The following STK32B variants were observed in gnomAD, a reference collection of about 807,000 sequenced individuals.
STK32B encodes the protein serine/threonine-protein kinase 32B.
A neutral mutation model predicts 52.6 loss-of-function variants in STK32B; 43 were observed. The ratio of observed to expected loss-of-function variants is 0.82; its 90% CI spans 0.64 to 1.05. The LOEUF (loss-of-function observed/expected upper bound fraction) is 1.05, where lower values mean the gene tolerates loss of function less well. Among genes scored for constraint, STK32B ranks in the 50% least tolerant of loss-of-function variants. The probability of loss-of-function intolerance (pLI) is 0.00; values close to 1 mark genes in which losing one functional copy is unlikely to be tolerated. For synonymous variants in STK32B, 238 were observed against 204.3 expected (o/e 1.17, Z -1.41); for missense variants, 621 against 534.6 (o/e 1.16, Z -1.59).
intron 4 of STK32B, among the ~76,000 whole-genome samples, chr4:5,370,386 T>G (rs1735151163): frequency 6.6e-6 from 1 of 152,080 alleles, no homozygotes; most frequent in Non-Finnish European, 1.5e-5. Flanking sequence ...TGGAGAGAGG[T>G]AAATCCTAAA....
At chr4:5,319,693 C>T (rs1390851535) in intron 3 of STK32B, among the ~76,000 whole-genome samples, 1 of 152,156 alleles carries the variant, frequency 6.6e-6, no homozygotes, top group African/African-American at 2.4e-5. Flanking sequence ...AACCAGGGCT[C>T]AGCTTCAAGG....
At chr4:5,159,676 T>TATATATGA (rs1718246540) in intron 2 of STK32B, among the ~76,000 whole-genome samples, 1 of 58,584 alleles carries the variant, frequency 1.7e-5, no homozygotes, top group African/African-American at 9.1e-5. Context: ...TGTATATGAA[T>TATATATGA]ATATATATGA....
chr4:5,110,476 T>G (rs768931707), intron 1 of STK32B, among the ~76,000 whole-genome samples: 1 of 152,058 alleles, frequency 6.6e-6, no homozygotes, highest in African/African-American at 2.4e-5. Flanking sequence ...CAACTTGTCT[T>G]GGGCAAAGTT....
intron 3 of STK32B, among the ~76,000 whole-genome samples, chr4:5,182,624 G>T (rs773494134): frequency 6.6e-6 from 1 of 151,948 alleles, no homozygotes; most frequent in Non-Finnish European, 1.5e-5. Flanking sequence ...ACCATGCCTG[G>T]CTATTTGTAT....
At chr4:5,122,618 C>A (rs186898528) in intron 1 of STK32B, among the ~76,000 whole-genome samples, 18 of 152,212 alleles carry the variant, frequency 1.2e-4, no homozygotes, top group Non-Finnish European at 2.4e-4. Flanking sequence ...CTTATTCATT[C>A]CCTGACTCAT....
At chr4:5,131,453 C>T (rs1410791761) in intron 1 of STK32B, among the ~76,000 whole-genome samples, 2 of 152,282 alleles carry the variant, frequency 1.3e-5, no homozygotes, top group East Asian at 1.9e-4. Context: ...CCATATTTTT[C>T]GTTCTCCTCC....
intron 1 of STK32B, among the ~76,000 whole-genome samples, chr4:5,117,313 C>T (rs780569755): frequency 6.6e-6 from 1 of 152,098 alleles, no homozygotes; most frequent in Non-Finnish European, 1.5e-5. Flanking sequence ...AGAAGTATTC[C>T]TGCTATACCT....
the STK32B span, among the ~76,000 whole-genome samples, chr4:5,025,602 C>A: frequency 6.6e-6 from 1 of 152,192 alleles, no homozygotes; most frequent in African/African-American, 2.4e-5. Flanking sequence ...CTCTAGGGGT[C>A]CACAGTGAGA....
intron 2 of STK32B, among the ~76,000 whole-genome samples, chr4:5,144,784 T>TCATC (rs112099943): frequency 0.013 from 1,197 of 95,680 alleles, 7 homozygotes; most frequent in Non-Finnish European, 0.018. Context: ...ACTCATTCAC[T>TCATC]CATCCATCCA....
chr4:5,239,526 G>A lies in STK32B; in HGVS notation c.260+71076G>A, dbSNP rs112815161. Among the ~76,000 whole-genome samples the A allele has an allele frequency of 1.2e-3, 182 of 152,212 alleles. 1 individual carries two copies. The highest frequency in any genetic ancestry group is 2.2e-3 in the Non-Finnish European group (152 of 68,024). On this transcript the variant is annotated intron_variant, in intron 3 of 11. Coordinates refer to ENST00000282908, the MANE Select transcript of STK32B (RefSeq NM_018401.3). ...GGTAATGGGCTCTGGCTCTCCCTAA[G>A]CATGCGGGAGATGCTGGGTCTGGAG...
chr4:5,213,015 A>C (rs1218845709), intron 3 of STK32B, among the ~76,000 whole-genome samples: 1 of 152,208 alleles, frequency 6.6e-6, no homozygotes, highest in African/African-American at 2.4e-5. Flanking sequence ...CCTGATCAGC[A>C]TGAATTCACT....
chr4:5,494,384 AT>A (rs1214822433), intron 11 of STK32B, among the ~76,000 whole-genome samples: 1 of 151,026 alleles, frequency 6.6e-6, no homozygotes, highest in African/African-American at 2.5e-5. Flanking sequence ...TTTATCAGAG[AT>A]TGGGATTGCA....
rs1017052432 is a variant in STK32B, at chr4:5,485,547, T to C, written c.1107-13398T>C. On this transcript the variant is annotated intron_variant, in intron 11 of 11. Coordinates refer to ENST00000282908, the MANE Select transcript of STK32B (RefSeq NM_018401.3). ...ATGGGCTCAAACTTCCTCCTTTAGC[T>C]CGGAGTTGTTTGATCTTCTGAAGCC... is the stretch of plus-strand genomic sequence containing the variant. Among the ~76,000 whole-genome samples, 11 of 152,198 alleles carry C rather than the reference T, an allele frequency of 7.2e-5. No individual in the cohort carries two copies. The South Asian group carries it at 8.3e-4, about 11-fold the overall frequency.
At position 5,399,312 on chromosome 4, in the gene STK32B, C is replaced by A. The variant is rs374762626; in HGVS notation, c.472+1068C>A. On this transcript the variant is annotated intron_variant, in intron 5 of 11. Transcript: ENST00000282908. This position sits in a 1 kb window ranked among gnomAD's most constrained non-coding sequence, Gnocchi z 5.4. ...TACGCAGCTCCCCCACCCTCCTTCC[C>A]CACCTCTGCAGGCTGAGGTCATGGT... is the stretch of plus-strand genomic sequence containing the variant. Among the ~76,000 whole-genome samples, 194 of 152,316 alleles carry A rather than the reference C, an allele frequency of 1.3e-3. 2 individuals carry two copies. The South Asian group carries it at 0.037, about 29-fold the overall frequency.
chr4:5,038,990 T>C, the STK32B span, among the ~76,000 whole-genome samples: 382 of 149,214 alleles, frequency 2.6e-3, 1 homozygote, highest in African/African-American at 9.1e-3. Flanking sequence ...TCTTTCTTTT[T>C]TTTTTTTTTT....
intron 6 of STK32B, among the ~76,000 whole-genome samples, chr4:5,445,645 A>AT (rs1445391124): frequency 1.3e-5 from 2 of 152,092 alleles, no homozygotes; most frequent in East Asian, 1.9e-4. Flanking sequence ...CCTTCGCTGT[A>AT]TTTTTTCTAT....
intron 3 of STK32B, among the ~76,000 whole-genome samples, chr4:5,234,963 C>A (rs1489995860): frequency 6.6e-6 from 1 of 152,176 alleles, no homozygotes; most frequent in Admixed American, 6.5e-5. Context: ...AGGAGGTGCC[C>A]TTCCTGAGAA....
intron 3 of STK32B, among the ~76,000 whole-genome samples, chr4:5,220,135 C>A (rs1421631546): frequency 6.6e-6 from 1 of 152,118 alleles, no homozygotes; most frequent in Admixed American, 6.5e-5. Context: ...AGTTTAGAGT[C>A]CCAACCAGAA....
In STK32B at chr4:5,240,154, G is replaced by A. The variant is rs966737207; in HGVS notation, c.260+71704G>A. On this transcript the variant is annotated intron_variant, in intron 3 of 11. Transcript: ENST00000282908. Reference sequence around the variant, plus strand: ...CCATGTGCCTAAATATGATTTCTTTGTATTTATTCTCCTTGGGGTTCATGG... The same window carrying A: ...CCATGTGCCTAAATATGATTTCTTTATATTTATTCTCCTTGGGGTTCATGG... Among the ~76,000 whole-genome samples, 42 of 148,036 alleles carry A rather than the reference G, an allele frequency of 2.8e-4. No homozygotes were observed. The Admixed American group carries it at 2.8e-3, about 10-fold the overall frequency.
Sources: gnomAD v4.1 joint callset for allele counts (sites outside exome capture counted in the v4.1 genomes callset) on GRCh38, gnomAD v4.1.1 for gene constraint, Gnocchi (gnomAD v3.1) non-coding constraint, MANE v1.5 for transcripts, NCBI Gene and HGNC (gene_info 2026-07-23, HGNC 2026-07-21) for gene names.